SBF2: variants seen among roughly 807,000 people sequenced by gnomAD.
SBF2 encodes SET binding factor 2.
In SBF2, 112 loss-of-function variants were observed where a neutral mutation model predicts 225.2. The observed-to-expected ratio is 0.50, with a 90% CI of 0.43 to 0.58. The LOEUF (loss-of-function observed/expected upper bound fraction) is 0.58, where lower values mean the gene tolerates loss of function less well. SBF2 is among the 20% of genes least tolerant of loss of function. SBF2 has a pLI of 0.00. For synonymous variants in SBF2, 763 were observed against 773.3 expected, an observed-to-expected ratio of 0.99 and a Z score of 0.22; for missense variants, 1,996 against 2,206.2, an observed-to-expected ratio of 0.90 and a Z score of 1.91.
chr11:9,808,027 G>A lies in SBF2; in HGVS notation c.4416C>T (p.Phe1472=), dbSNP rs1347990916. Residue 1472 remains phenylalanine, a synonymous_variant, in exon 32 of 40, where the codon TTC becomes TTT. Transcript: ENST00000256190. The part of the protein sequence containing the change: ...NCQGSGFAPV[F]LQFLDCVHQV... ...GGTGTACACAGTCTAAGAACTGTAA[G>A]AAGACTGGAGCAAAACCACTCCCCT... 2.5e-6 allele frequency: 4 copies of A among 1,614,046 alleles called. No homozygotes were observed. Among genetic ancestry groups the A allele is most frequent in the Non-Finnish European group, 3.4e-6 (4 of 1,180,032 alleles).
chr11:10,045,539 G>A lies in SBF2; in HGVS notation c.142-2558C>T, dbSNP rs181728720. ...TTCTCTGAAACAGTGCTGGACGAAC[G>A]CCTGAAGGGGCTCACACAACCTGTG... is the stretch of plus-strand genomic sequence containing the variant. On this transcript the variant is annotated intron_variant, in intron 2 of 39. Transcript: ENST00000256190. Among the ~76,000 whole-genome samples the A allele has an allele frequency of 5.3e-5, 8 of 152,324 alleles. No homozygotes were observed. In the East Asian group the frequency reaches 5.8e-4, roughly 11 times the overall value.
At chr11:9,833,443 T>C (rs1030613977) in intron 26 of SBF2, among the ~76,000 whole-genome samples, 9 of 142,116 alleles carry the variant, frequency 6.3e-5, no homozygotes, top group East Asian at 4.0e-4. Flanking sequence ...TTTTTTGAGA[T>C]GCAGTCTCGC....
chr11:10,135,823 T>TA (rs1416426495), intron 2 of SBF2, among the ~76,000 whole-genome samples: 7 of 152,206 alleles, frequency 4.6e-5, no homozygotes, highest in African/African-American at 1.4e-4. Flanking sequence ...TATCTTCTCC[T>TA]AAGCCTTCCA....
At chr11:10,062,102 C>G (rs115171034) in intron 2 of SBF2, among the ~76,000 whole-genome samples, 171 of 151,466 alleles carry the variant, frequency 1.1e-3, no homozygotes, top group African/African-American at 3.7e-3. Context: ...GGAGAAAAGA[C>G]TCCCTAAATG....
chr11:9,907,449 G>A (rs1237327673), intron 16 of SBF2, among the ~76,000 whole-genome samples: 2 of 152,072 alleles, frequency 1.3e-5, no homozygotes, highest in Admixed American at 1.3e-4. Flanking sequence ...ATTTTCATAT[G>A]CATGCCCCCA....
chr11:10,120,516 A>C (rs1454006300), intron 2 of SBF2, among the ~76,000 whole-genome samples: 2 of 152,226 alleles, frequency 1.3e-5, no homozygotes, highest in African/African-American at 4.8e-5. Context: ...AGGACCCTTC[A>C]TACTGTTTCC....
At chr11:9,996,526 A>T (rs1284397780) in intron 9 of SBF2, among the ~76,000 whole-genome samples, 2 of 152,116 alleles carry the variant, frequency 1.3e-5, no homozygotes, top group East Asian at 3.9e-4. Context: ...AGTAGCTGGG[A>T]TTACAGGCGT....
chr11:10,175,632 G>T (rs1956430107), intron 2 of SBF2, among the ~76,000 whole-genome samples: 1 of 150,704 alleles, frequency 6.6e-6, no homozygotes, highest in Non-Finnish European at 1.5e-5. Flanking sequence ...GGATACCCAG[G>T]AATGGAACTC....
At chr11:9,833,222 T>C (rs1215809228) in intron 26 of SBF2, among the ~76,000 whole-genome samples, 2 of 152,236 alleles carry the variant, frequency 1.3e-5, no homozygotes, top group African/African-American at 4.8e-5. Context: ...TTGATACTTA[T>C]TTTAAAAGAT....
intron 28 of SBF2, among the ~76,000 whole-genome samples, chr11:9,821,796 G>A (rs1178987350): frequency 6.6e-6 from 1 of 152,120 alleles, no homozygotes; most frequent in Admixed American, 6.5e-5. Context: ...TATACATTTT[G>A]CATGTGCCTT....
chr11:10,131,394 T>G (rs1591027753), intron 2 of SBF2, among the ~76,000 whole-genome samples: 1 of 152,172 alleles, frequency 6.6e-6, no homozygotes, highest in African/African-American at 2.4e-5. Flanking sequence ...ATTTTCTAAA[T>G]GAACTGTTGT....
At chr11:10,130,660 C>T (rs1953998664) in intron 2 of SBF2, among the ~76,000 whole-genome samples, 3 of 152,092 alleles carry the variant, frequency 2.0e-5, no homozygotes, top group Admixed American at 2.0e-4. Flanking sequence ...CTATAAAGAG[C>T]TTCCTCATGC....
chr11:9,880,692 C>T (rs1002037841), intron 17 of SBF2, among the ~76,000 whole-genome samples: 9 of 152,306 alleles, frequency 5.9e-5, no homozygotes, highest in East Asian at 5.8e-4. Flanking sequence ...TATGGTATTA[C>T]GTACTCCTTA....
intron 24 of SBF2, among the ~76,000 whole-genome samples, chr11:9,844,873 G>A (rs572785949): frequency 2.6e-5 from 4 of 152,096 alleles, no homozygotes; most frequent in South Asian, 2.1e-4. Flanking sequence ...AAACCTGCAC[G>A]TTCTGCACAT....
At chr11:10,065,323 A>G (rs1590873410) in intron 2 of SBF2, among the ~76,000 whole-genome samples, 1 of 152,168 alleles carries the variant, frequency 6.6e-6, no homozygotes, top group Admixed American at 6.5e-5. Context: ...GAAAGCTTCA[A>G]TCGATGAACT....
chr11:10,055,373 C>T (rs1448845926), intron 2 of SBF2, among the ~76,000 whole-genome samples: 1 of 152,072 alleles, frequency 6.6e-6, no homozygotes, highest in Non-Finnish European at 1.5e-5. Context: ...ATCCAGCAAT[C>T]CCACTACTGG....
chr11:10,106,216 A>G (rs867354139), intron 2 of SBF2, among the ~76,000 whole-genome samples: 3 of 152,316 alleles, frequency 2.0e-5, no homozygotes, highest in South Asian at 4.1e-4. Flanking sequence ...TAATAGGTGT[A>G]GTTCACTGTG....
intron 1 of SBF2, among the ~76,000 whole-genome samples, chr11:10,206,726 T>C (rs537753488): frequency 1.3e-5 from 2 of 152,204 alleles, no homozygotes; most frequent in East Asian, 3.9e-4. Flanking sequence ...GTTTCAATAG[T>C]AGAGTGAAAA....
intron 32 of SBF2, among the ~76,000 whole-genome samples, chr11:9,796,982 C>G (rs146726193): frequency 6.6e-6 from 1 of 152,162 alleles, no homozygotes; most frequent in Non-Finnish European, 1.5e-5. Flanking sequence ...TAGTCTGCCT[C>G]GCAATCTCAC....
Sources: allele counts gnomAD v4.1 joint callset (sites outside exome capture counted in the v4.1 genomes callset), GRCh38; gene constraint gnomAD v4.1.1; transcripts MANE v1.5; gene names NCBI Gene and HGNC (gene_info 2026-07-23, HGNC 2026-07-21).